Variants in PDE8B observed in about 807,000 individuals in gnomAD.
PDE8B encodes phosphodiesterase 8B.
PDE8B carries 26 observed loss-of-function variants against 101.3 expected under a neutral mutation model. The ratio of observed to expected loss-of-function variants is 0.26; its 90% CI spans 0.19 to 0.36. The LOEUF is 0.36. Ranked by LOEUF, PDE8B falls within the 10% of genes least tolerant of loss-of-function variation. The pLI, the probability that PDE8B is intolerant of heterozygous loss-of-function variation, is 1.00. For synonymous variants in PDE8B, 424 were observed against 429.3 expected (o/e 0.99, Z 0.15); for missense variants, 810 against 1,163.1 (o/e 0.70, Z 4.42).
intron 2 of PDE8B, among the ~76,000 whole-genome samples, chr5:77,317,696 T>C (rs1774064955): frequency 6.6e-6 from 1 of 152,182 alleles, no homozygotes; most frequent in Admixed American, 6.5e-5. Context: ...TCTTCATCCA[T>C]ACCTGGAACA....
chr5:77,211,114 C>T lies in PDE8B; in HGVS notation c.189C>T (p.Ser63=), dbSNP rs969640455. The stretch of plus-strand genomic sequence containing the variant: ...CGAGCCGCGCGTCGGGACCCCCCAG[C>T]GTAGCCCGCGTCCGCAGGGCCCGCA... ...IPPSRASGPP[S]VARVRRARTE... is the part of the protein sequence containing the mutation. The change falls in exon 1 of 22, where the codon AGC becomes AGT. Residue 63 remains serine (S), a synonymous_variant. Transcript: ENST00000264917. This position sits in a 1 kb window ranked among gnomAD's most constrained non-coding sequence, Gnocchi z 4.1. The T allele has an allele frequency of 3.3e-6, 5 of 1,504,682 alleles. No homozygotes were observed. In the African/African-American group the frequency reaches 7.2e-5, roughly 22 times the overall value. The allele number at this position is 1,504,682 out of a possible 1,614,324, so 93.2% of individuals were successfully genotyped here. A position where few individuals can be genotyped will look rare whatever the true frequency, so the allele number is the denominator to read the frequency against.
At chr5:77,202,865 G>T in the PDE8B span, among the ~76,000 whole-genome samples, 1 of 152,216 alleles carries the variant, frequency 6.6e-6, no homozygotes, top group South Asian at 2.1e-4. Context: ...CTTCCAAAGT[G>T]CTGGGATTAC....
At chr5:77,357,806 T>C (rs1782372829) in intron 10 of PDE8B, among the ~76,000 whole-genome samples, 1 of 152,210 alleles carries the variant, frequency 6.6e-6, no homozygotes, top group Non-Finnish European at 1.5e-5. Context: ...TCTTTTGCCT[T>C]CTCTCTTTTA....
the PDE8B span, among the ~76,000 whole-genome samples, chr5:77,135,785 T>C: frequency 5.3e-5 from 8 of 152,032 alleles, no homozygotes; most frequent in Non-Finnish European, 1.0e-4. Context: ...GGAATTTTTT[T>C]TTTTTTAATA....
In PDE8B at chr5:77,290,719, T is replaced by C. The variant is rs1288639797; in HGVS notation, c.340-21275T>C. 12 of 1,497,562 alleles carry C rather than the reference T, an allele frequency of 8.0e-6. No homozygotes were observed. In the Admixed American group the frequency reaches 1.0e-4, roughly 13 times the overall value. The allele number at this position is 1,497,562 out of a possible 1,614,324, so 92.8% of individuals were successfully genotyped here. On this transcript the variant is annotated intron_variant, in intron 1 of 21. Transcript: ENST00000264917. ...TCTGAAAGACCTGGCCATGCACTGA[T>C]TGAGCAGTGGAATCCTGTAGGCCTG...
chr5:77,411,862 C>T, intron 15 of PDE8B, 141 bp downstream of exon 15: 2 of 761,988 alleles, frequency 2.6e-6, no homozygotes, highest in Non-Finnish European at 2.3e-6. Context: ...ACATTTAAAA[C>T]TAGTCTCCTA....
At chr5:77,256,996 G>A (rs1448818471) in intron 1 of PDE8B, among the ~76,000 whole-genome samples, 1 of 152,080 alleles carries the variant, frequency 6.6e-6, no homozygotes. Flanking sequence ...AGGTGCTAGG[G>A]TAATAGCAGT....
the PDE8B span, among the ~76,000 whole-genome samples, chr5:77,186,179 G>A: frequency 6.6e-6 from 1 of 152,142 alleles, no homozygotes; most frequent in African/African-American, 2.4e-5. Context: ...TGCCACACAA[G>A]CTCCCAGGGC....
chr5:77,087,911 T>G, the PDE8B span: 1 of 152,630 alleles, frequency 6.6e-6, no homozygotes, highest in African/African-American at 2.4e-5. Context: ...AATTTAACAA[T>G]TAGCTCCTGT....
At chr5:77,280,808 A>G (rs1242211074) in intron 1 of PDE8B, among the ~76,000 whole-genome samples, 1 of 152,178 alleles carries the variant, frequency 6.6e-6, no homozygotes, top group Non-Finnish European at 1.5e-5. Context: ...GAGGCAGGAG[A>G]ATCGCTTGAA....
rs117349264 is a variant in PDE8B at position 77,300,091 on chromosome 5, T to G, written c.340-11903T>G. ...GCATAGAGTACCCAGTGTTCTGCAG[T>G]GTAGGCATTTTAATGCCTTGAGCAC... On this transcript the variant is annotated intron_variant, in intron 1 of 21. Coordinates refer to ENST00000264917, the MANE Select transcript of PDE8B (RefSeq NM_003719.5). Among the ~76,000 whole-genome samples the G allele has an allele frequency of 4.7e-4, 72 of 152,338 alleles. 2 individuals are homozygous for G. The East Asian group carries it at 0.013, about 27-fold the overall frequency.
chr5:77,281,074 C>T (rs1172337014), intron 1 of PDE8B, among the ~76,000 whole-genome samples: 8 of 152,306 alleles, frequency 5.3e-5, no homozygotes, highest in South Asian at 4.1e-4. Context: ...GGAATGCATG[C>T]GCAAGCCCCA....
At chr5:77,129,107 C>T in the PDE8B span, among the ~76,000 whole-genome samples, 1 of 151,994 alleles carries the variant, frequency 6.6e-6, no homozygotes, top group Non-Finnish European at 1.5e-5. Flanking sequence ...TCTGTGTCCA[C>T]ATAAAAAATT....
the PDE8B span, among the ~76,000 whole-genome samples, chr5:77,106,684 T>A: frequency 1.3e-5 from 2 of 152,176 alleles, no homozygotes; most frequent in African/African-American, 2.4e-5. Flanking sequence ...TGAGCCAATT[T>A]GGGGAGAATC....
chr5:77,419,814 C>T lies in PDE8B; in HGVS notation c.2177C>T (p.Ala726Val). 2 of 1,613,958 alleles carry T rather than the reference C, an allele frequency of 1.2e-6. No individual in the cohort carries two copies. The highest frequency in any genetic ancestry group is 1.7e-6 in the Non-Finnish European group (2 of 1,179,878). The change falls in exon 19 of 22, where the codon GCA becomes GTA. Residue 726 changes from alanine (A) to valine (V), a missense_variant. Ala to Val is a moderately conservative substitution (Grantham distance 64). Around this residue, in one of 4 missense-constraint regions of PDE8B, gnomAD observed 325 missense variants for 560.9 expected, o/e 0.58. Transcript: ENST00000264917. ...LRQAIIDMVL[A>V]TEMTKHFEHV... ...CAGGCTATTATTGACATGGTTTTGG[C>T]AACAGAGATGACAAAACACTTTGAA...
chr5:77,180,315 G>A, the PDE8B span: 4 of 405,024 alleles, frequency 9.9e-6, no homozygotes, highest in Non-Finnish European at 1.0e-5. Flanking sequence ...GAGTCCCACG[G>A]AGCAACCAGA....
chr5:77,154,463 G>A, the PDE8B span, among the ~76,000 whole-genome samples: 1 of 152,226 alleles, frequency 6.6e-6, no homozygotes, highest in Non-Finnish European at 1.5e-5. Flanking sequence ...CAGAGACTGA[G>A]TGACCTACCT....
At chr5:77,379,905 C>T (rs575410970) in intron 10 of PDE8B, among the ~76,000 whole-genome samples, 2 of 152,094 alleles carry the variant, frequency 1.3e-5, no homozygotes, top group African/African-American at 4.8e-5. Context: ...TCAGTTCCTG[C>T]GATCACATCT....
chr5:77,125,466 T>C, the PDE8B span, among the ~76,000 whole-genome samples: 2 of 152,188 alleles, frequency 1.3e-5, no homozygotes, highest in African/African-American at 4.8e-5. Context: ...CCTAAGTATA[T>C]GCCCCCAAAG....
Sources: gnomAD v4.1 joint callset for allele counts (sites outside exome capture counted in the v4.1 genomes callset) on GRCh38, gnomAD v4.1.1 for gene constraint, gnomAD v4.1.1 regional missense constraint, Gnocchi (gnomAD v3.1) non-coding constraint, MANE v1.5 for transcripts, NCBI Gene and HGNC (gene_info 2026-07-23, HGNC 2026-07-21) for gene names.